The following SORCS2 variants were observed in gnomAD, a reference collection of about 807,000 sequenced individuals.
SORCS2 encodes the protein sortilin related VPS10 domain containing receptor 2, also known as VPS10 domain-containing receptor SorCS2.
Under a neutral mutation model 141.6 loss-of-function variants are expected in SORCS2, and 100 were observed. That is an observed-to-expected ratio of 0.71 (90% CI 0.60 to 0.83). The LOEUF is 0.83. Ranked by LOEUF, SORCS2 falls within the 40% of genes least tolerant of loss-of-function variation. The pLI, the probability that SORCS2 is intolerant of heterozygous loss-of-function variation, is 0.00. For synonymous variants in SORCS2, 789 were observed against 676.9 expected (o/e 1.17, Z -2.57); for missense variants, 1,646 against 1,560.2 (o/e 1.05, Z -0.93).
In SORCS2 at chr4:7,715,231, G is replaced by C. The variant is rs538879026; in HGVS notation, c.2172G>C (p.Lys724Asn). 2 of 1,613,950 alleles carry C rather than the reference G, an allele frequency of 1.2e-6. No homozygotes were observed. Among genetic ancestry groups the C allele is most frequent in the East Asian group, 2.2e-5 (1 of 44,878 alleles). Reference protein sequence around the residue: ...RSSSSESSTNKCSANFWFNPL... With the variant: ...RSSSSESSTNNCSANFWFNPL... ...CCTCCTCAGAGTCCAGCACCAACAA[G>C]TGCTCTGCCAACTTCTGGTTTAACC... The change falls in exon 17 of 27, where the codon AAG becomes AAC. Residue 724 changes from lysine to asparagine, a missense_variant. Coordinates refer to ENST00000507866, the MANE Select transcript of SORCS2 (RefSeq NM_020777.3).
rs941323060 is a variant in SORCS2 at position 7,398,914 on chromosome 4, G to A, written c.548+2559G>A. Among the ~76,000 whole-genome samples, 17 of 152,314 alleles carry A rather than the reference G, an allele frequency of 1.1e-4. No individual in the cohort carries two copies. In the South Asian group the frequency reaches 2.7e-3, roughly 24 times the overall value. ...GTGTGAATGGATTTACAGCTGGTGC[G>A]CAGTGGCATTCAATTCTTCCTCAAG... On this transcript the variant is annotated intron_variant, in intron 2 of 26. Transcript: ENST00000507866.
chr4:7,555,700 A>C (rs910149443), intron 3 of SORCS2, among the ~76,000 whole-genome samples: 1 of 152,258 alleles, frequency 6.6e-6, no homozygotes, highest in Non-Finnish European at 1.5e-5. Context: ...AAGTGTCAGG[A>C]AAAGGCACGG....
At chr4:7,467,854 C>T (rs1008777050) in intron 2 of SORCS2, among the ~76,000 whole-genome samples, 1 of 152,256 alleles carries the variant, frequency 6.6e-6, no homozygotes, top group Non-Finnish European at 1.5e-5. Context: ...TTTTCTACAT[C>T]TCAGGAATTT....
At chr4:7,578,602 T>C (rs1715928445) in intron 3 of SORCS2, among the ~76,000 whole-genome samples, 1 of 152,214 alleles carries the variant, frequency 6.6e-6, no homozygotes, top group South Asian at 2.1e-4. Flanking sequence ...CTTTTACATG[T>C]AAAGTGTGTC....
rs571082591 is a variant in SORCS2 at position 7,643,858 on chromosome 4, A to C, written c.813+5366A>C. 1.5e-4 allele frequency among the ~76,000 whole-genome samples: 23 copies of C among 152,270 alleles called. 1 individual carries two copies. Among genetic ancestry groups the C allele is most frequent in the African/African-American group, 5.1e-4 (21 of 41,556 alleles). ...GGTTCATGAACTGCCCAGCAGAGCTACAAGCTTCGATACCACGTTGATGGC... is the reference window on the plus strand; with the variant it reads ...GGTTCATGAACTGCCCAGCAGAGCTCCAAGCTTCGATACCACGTTGATGGC... On this transcript the variant is annotated intron_variant, in intron 4 of 26. Coordinates refer to ENST00000507866, the MANE Select transcript of SORCS2 (RefSeq NM_020777.3).
At chr4:7,630,804 T>G (rs1024192892) in intron 3 of SORCS2, among the ~76,000 whole-genome samples, 1 of 152,168 alleles carries the variant, frequency 6.6e-6, no homozygotes, top group African/African-American at 2.4e-5. Context: ...AAAGCCAAGT[T>G]GTCTGTACCC....
intron 14 of SORCS2, among the ~76,000 whole-genome samples, chr4:7,708,673 A>G (rs1192876999): frequency 1.3e-5 from 2 of 152,180 alleles, no homozygotes; most frequent in African/African-American, 4.8e-5. Context: ...CAGGGGCTGC[A>G]ACGCAGCTTT....
chr4:7,480,430 A>G (rs1560319250), intron 2 of SORCS2, among the ~76,000 whole-genome samples: 17 of 150,518 alleles, frequency 1.1e-4, no homozygotes, highest in Non-Finnish European at 1.5e-5. Flanking sequence ...TCACAAAAAT[A>G]CAGCCCGGGG....
At chr4:7,264,473 T>G (rs1453785730) in intron 1 of SORCS2, among the ~76,000 whole-genome samples, 1 of 152,168 alleles carries the variant, frequency 6.6e-6, no homozygotes, top group Non-Finnish European at 1.5e-5. Context: ...CCACCACCAC[T>G]GCCTGGACCC....
rs144341832 is a variant in SORCS2, at chr4:7,653,858, G to A, written c.814-276G>A. 1.4e-3 allele frequency among the ~76,000 whole-genome samples: 206 copies of A among 152,308 alleles called. 1 individual carries two copies. The highest frequency in any genetic ancestry group is 4.5e-3 in the African/African-American group (189 of 41,554). ...TTATAAAGTCCCTCCCACCTTTGAGGCTCAGACACACCTCCTCTGTGAGAC... is the reference window on the plus strand; with the variant it reads ...TTATAAAGTCCCTCCCACCTTTGAGACTCAGACACACCTCCTCTGTGAGAC... On this transcript the variant is annotated intron_variant, in intron 4 of 26. Coordinates refer to ENST00000507866, the MANE Select transcript of SORCS2 (RefSeq NM_020777.3).
chr4:7,718,213 G>C (rs762082421), intron 18 of SORCS2, 30 bp downstream of exon 18: 2 of 1,596,368 alleles, frequency 1.3e-6, no homozygotes, highest in African/African-American at 2.7e-5. Context: ...CAGGCTCCTG[G>C]GACTGTCGGG....
At chr4:7,305,274 G>A (rs1314559278) in intron 1 of SORCS2, among the ~76,000 whole-genome samples, 2 of 151,796 alleles carry the variant, frequency 1.3e-5, no homozygotes, top group Admixed American at 6.5e-5. Flanking sequence ...CTCGTGATCT[G>A]CCCGCCTCGG....
intron 3 of SORCS2, among the ~76,000 whole-genome samples, chr4:7,576,224 A>G (rs1715743327): frequency 6.6e-6 from 1 of 152,218 alleles, no homozygotes; most frequent in South Asian, 2.1e-4. Context: ...GCAAAGACAA[A>G]GCCATGTTTC....
At chr4:7,568,973 C>G (rs1715202107) in intron 3 of SORCS2, among the ~76,000 whole-genome samples, 1 of 152,174 alleles carries the variant, frequency 6.6e-6, no homozygotes, top group Admixed American at 6.5e-5. Flanking sequence ...GCTCAGAACT[C>G]CCACCTCACC....
intron 18 of SORCS2, among the ~76,000 whole-genome samples, chr4:7,722,801 A>G (rs776777507): frequency 1.6e-4 from 25 of 152,240 alleles, no homozygotes; most frequent in Non-Finnish European, 3.1e-4. Flanking sequence ...TTAAGTGAAC[A>G]GAATTTACGT....
At chr4:7,668,855 G>A (rs1722645799) in intron 8 of SORCS2, among the ~76,000 whole-genome samples, 1 of 152,156 alleles carries the variant, frequency 6.6e-6, no homozygotes, top group African/African-American at 2.4e-5. Flanking sequence ...TTGTCCTGGT[G>A]TAGGGGAGAG....
At chr4:7,252,308 G>A (rs571870821) in intron 1 of SORCS2, among the ~76,000 whole-genome samples, 4 of 152,302 alleles carry the variant, frequency 2.6e-5, no homozygotes, top group African/African-American at 7.2e-5. Context: ...AGTGTGGCTG[G>A]GAGGGAGGGC....
At chr4:7,726,990 G>A (rs764555663) in intron 21 of SORCS2, 87 bp downstream of exon 21, 28 of 1,478,544 alleles carry the variant, frequency 1.9e-5, no homozygotes, top group Non-Finnish European at 2.5e-5. Context: ...CGTAAGCCAT[G>A]GATGTCCTGG....
chr4:7,664,263 TTGGAGGAAGA>T lies in SORCS2; in HGVS notation c.953-84_953-75del. On this transcript the variant is annotated intron_variant, in intron 6 of 26. Coordinates refer to ENST00000507866, the MANE Select transcript of SORCS2 (RefSeq NM_020777.3). The surrounding 1 kb of genome is among the most constrained non-coding windows in gnomAD (Gnocchi z 4.7). ...CCCATGAAGCCACACCACAGCGGTA[TTGGAGGAAGA>T]TGGAGTCCAGCACATGTCTCGGGCC... 1.0e-6 allele frequency: 1 copy of T among 1,003,294 alleles called. No individual in the cohort carries two copies. Among genetic ancestry groups the T allele is most frequent in the Admixed American group, 2.1e-5 (1 of 46,574 alleles). The allele number at this position is 1,003,294 out of a possible 1,614,324, so 62.1% of individuals were successfully genotyped here. A position where few individuals can be genotyped will look rare whatever the true frequency, so the allele number is the denominator to read the frequency against.
Sources: allele counts gnomAD v4.1 joint callset (sites outside exome capture counted in the v4.1 genomes callset), GRCh38; gene constraint gnomAD v4.1.1; non-coding constraint Gnocchi (gnomAD v3.1); transcripts MANE v1.5; gene names NCBI Gene and HGNC (gene_info 2026-07-23, HGNC 2026-07-21).